HIBCH: variants seen among roughly 807,000 people sequenced by gnomAD.
HIBCH encodes the protein 3-hydroxyisobutyryl-CoA hydrolase, mitochondrial.
A neutral mutation model predicts 58.2 loss-of-function variants in HIBCH; 50 were observed. That is an observed-to-expected ratio of 0.86 (90% CI 0.68 to 1.09). The LOEUF is 1.09. HIBCH is among the 50% of genes least tolerant of loss of function. The pLI, the probability that HIBCH is intolerant of heterozygous loss-of-function variation, is 0.00. For synonymous variants in HIBCH, 151 were observed against 146.9 expected, an observed-to-expected ratio of 1.03 and a Z score of -0.20; for missense variants, 450 against 449.7, an observed-to-expected ratio of 1.00 and a Z score of -0.01.
chr2:190,293,041 T>C (rs1340984258), intron 4 of HIBCH, among the ~76,000 whole-genome samples: 1 of 152,218 alleles, frequency 6.6e-6, no homozygotes. Context: ...GTAGCTGTTA[T>C]TTCCAAACAT....
intron 1 of HIBCH, among the ~76,000 whole-genome samples, chr2:190,198,582 T>C (rs1325701602): frequency 7.3e-6 from 1 of 136,512 alleles, no homozygotes; most frequent in Non-Finnish European, 1.5e-5. Context: ...CAGTGAGCCG[T>C]GATTGCATCC....
chr2:190,291,644 T>C (rs1157512438), intron 4 of HIBCH, among the ~76,000 whole-genome samples: 1 of 152,202 alleles, frequency 6.6e-6, no homozygotes, highest in Non-Finnish European at 1.5e-5. Flanking sequence ...TCAAAGACAT[T>C]GCTACAGCAT....
In HIBCH at chr2:190,236,129, C is replaced by A. The variant is rs985334577; in HGVS notation, c.891+8758G>T. 6.6e-6 allele frequency among the ~76,000 whole-genome samples: 1 copy of A among 152,112 alleles called. No individual in the cohort carries two copies. Among genetic ancestry groups the A allele is most frequent in the Non-Finnish European group, 1.5e-5 (1 of 68,026 alleles). On this transcript the variant is annotated intron_variant, in intron 11 of 13. Coordinates refer to ENST00000359678, the MANE Select transcript of HIBCH (RefSeq NM_014362.4). The surrounding 1 kb of genome is among the most constrained non-coding windows in gnomAD (Gnocchi z 4.1). Reference sequence around the variant, plus strand: ...GAATGGAGACAAGCAGACAGAGGTGCACACACCTTCATGGAGTAACTGCCA... The same window carrying A: ...GAATGGAGACAAGCAGACAGAGGTGAACACACCTTCATGGAGTAACTGCCA...
intron 9 of HIBCH, among the ~76,000 whole-genome samples, chr2:190,248,349 A>G (rs1031257735): frequency 6.6e-6 from 1 of 151,780 alleles, no homozygotes; most frequent in Non-Finnish European, 1.5e-5. Context: ...TTTTTCTTCC[A>G]ATGTATTGCT....
At chr2:190,238,121 G>A (rs540459166) in intron 11 of HIBCH, among the ~76,000 whole-genome samples, 2 of 152,218 alleles carry the variant, frequency 1.3e-5, no homozygotes, top group African/African-American at 2.4e-5. Context: ...AAATAGTGCT[G>A]CAATAAACAT....
intron 2 of HIBCH, among the ~76,000 whole-genome samples, chr2:190,300,619 G>C (rs1688234637): frequency 6.6e-6 from 1 of 152,006 alleles, no homozygotes; most frequent in South Asian, 2.1e-4. Flanking sequence ...TATGTTTGTT[G>C]ATAGTTTCTT....
At chr2:190,195,242 T>C (rs1689913285) in intron 1 of HIBCH, among the ~76,000 whole-genome samples, 1 of 152,226 alleles carries the variant, frequency 6.6e-6, no homozygotes, top group African/African-American at 2.4e-5. Flanking sequence ...ACATCTTGCT[T>C]GCTTCTAAGT....
At chr2:190,314,923 G>A (rs185939074) in intron 1 of HIBCH, among the ~76,000 whole-genome samples, 3 of 152,078 alleles carry the variant, frequency 2.0e-5, no homozygotes, top group African/African-American at 7.2e-5. Context: ...GCCATCTGGT[G>A]GAGAGGAAGA....
rs188573589 is a variant in HIBCH, at chr2:190,313,564, G to A, written c.36-2768C>T. 1.7e-4 allele frequency among the ~76,000 whole-genome samples: 25 copies of A among 146,034 alleles called. No individual in the cohort carries two copies. In the East Asian group the frequency reaches 2.8e-3, roughly 16 times the overall value. Reference sequence around the variant, plus strand: ...CAACACCACTTATCTAACAATTTTGGTATTTCTAACACAGAGGTTGCAGTG... The same window carrying A: ...CAACACCACTTATCTAACAATTTTGATATTTCTAACACAGAGGTTGCAGTG... On this transcript the variant is annotated intron_variant, in intron 1 of 13. Transcript: ENST00000359678.
At chr2:190,276,517 T>A (rs1263423679) in intron 6 of HIBCH, among the ~76,000 whole-genome samples, 4 of 152,178 alleles carry the variant, frequency 2.6e-5, no homozygotes, top group African/African-American at 9.7e-5. Flanking sequence ...CATGAATGGC[T>A]TGGTACATCC....
At chr2:190,242,808 T>C (rs964593372) in intron 11 of HIBCH, among the ~76,000 whole-genome samples, 1 of 152,218 alleles carries the variant, frequency 6.6e-6, no homozygotes, top group Admixed American at 6.5e-5. Context: ...TAAGAAAATA[T>C]CTTTATTTCC....
At chr2:190,308,262 T>C (rs1688466109) in intron 2 of HIBCH, among the ~76,000 whole-genome samples, 1 of 152,212 alleles carries the variant, frequency 6.6e-6, no homozygotes, top group Admixed American at 6.5e-5. Context: ...TCTGAGTCAC[T>C]GACACTGCTC....
At chr2:190,318,693 C>G (rs1231650707) in intron 1 of HIBCH, among the ~76,000 whole-genome samples, 4 of 152,180 alleles carry the variant, frequency 2.6e-5, no homozygotes, top group Non-Finnish European at 5.9e-5. Flanking sequence ...CAGTTTGTTT[C>G]TCTATTTGCT....
At chr2:190,277,246 T>C (rs1316881691) in intron 6 of HIBCH, among the ~76,000 whole-genome samples, 1 of 152,242 alleles carries the variant, frequency 6.6e-6, no homozygotes, top group Non-Finnish European at 1.5e-5. Context: ...TTTATTTTAC[T>C]GTATTTCAAA....
In HIBCH at chr2:190,236,173, T is replaced by C. The variant is rs973277403; in HGVS notation, c.891+8714A>G. Among the ~76,000 whole-genome samples the C allele has an allele frequency of 3.9e-5, 6 of 152,144 alleles. No individual in the cohort carries two copies. Among genetic ancestry groups the C allele is most frequent in the Non-Finnish European group, 8.8e-5 (6 of 68,036 alleles). On this transcript the variant is annotated intron_variant, in intron 11 of 13. Coordinates refer to ENST00000359678, the MANE Select transcript of HIBCH (RefSeq NM_014362.4). This position sits in a 1 kb window ranked among gnomAD's most constrained non-coding sequence, Gnocchi z 4.1. ...ACTGCCATTTTAAGGTATTTTACAATATTGCCACTGAAGATCTGGAGCTGT... is the reference window on the plus strand; with the variant it reads ...ACTGCCATTTTAAGGTATTTTACAACATTGCCACTGAAGATCTGGAGCTGT...
chr2:190,284,012 C>A (rs1399688469), intron 6 of HIBCH, among the ~76,000 whole-genome samples: 1 of 152,184 alleles, frequency 6.6e-6, no homozygotes, highest in Non-Finnish European at 1.5e-5. Context: ...TAGGCCCCAG[C>A]CTCGAGACTG....
chr2:190,245,088 C>T, intron 10 of HIBCH, 120 bp from the exon 11 acceptor site: 1 of 725,114 alleles, frequency 1.4e-6, no homozygotes, highest in South Asian at 1.5e-5. Flanking sequence ...ATTGTCTAAC[C>T]TCTTTAACAG....
intron 3 of HIBCH, among the ~76,000 whole-genome samples, chr2:190,296,308 T>C (rs1254533252): frequency 6.6e-6 from 1 of 151,856 alleles, no homozygotes; most frequent in Non-Finnish European, 1.5e-5. Context: ...TAGTCCCAGC[T>C]ACTCAGGAGG....
chr2:190,255,219 C>T (rs1312594700), intron 7 of HIBCH, among the ~76,000 whole-genome samples: 1 of 152,210 alleles, frequency 6.6e-6, no homozygotes, highest in Non-Finnish European at 1.5e-5. Context: ...CAGAGGCCCC[C>T]ATGTACCCTT....
Sources: gnomAD v4.1 joint callset for allele counts (sites outside exome capture counted in the v4.1 genomes callset) on GRCh38, gnomAD v4.1.1 for gene constraint, Gnocchi (gnomAD v3.1) non-coding constraint, MANE v1.5 for transcripts, NCBI Gene and HGNC (gene_info 2026-07-23, HGNC 2026-07-21) for gene names.